Variants in NOCT observed in about 807,000 individuals in gnomAD.
The protein encoded by NOCT is CCR4 carbon catabolite repression 4-like.
In NOCT, 18 loss-of-function variants were observed where a neutral mutation model predicts 35.0. The ratio of observed to expected loss-of-function variants is 0.51; its 90% CI spans 0.36 to 0.76. The LOEUF (loss-of-function observed/expected upper bound fraction) is 0.76. Ranked by LOEUF, NOCT falls within the 30% of genes least tolerant of loss-of-function variation. NOCT has a pLI of 0.01. For missense variants in NOCT, 479 were observed against 541.0 expected, an observed-to-expected ratio of 0.89 and a Z score of 1.14; for synonymous variants, 235 against 226.3, an observed-to-expected ratio of 1.04 and a Z score of -0.34.
At chr4:139,042,933 A>T in intron 1 of NOCT, 141 bp from the exon 2 acceptor site, 1 of 708,440 alleles carries the variant, frequency 1.4e-6, no homozygotes, top group Non-Finnish European at 2.2e-6. Context: ...AAAAAAAGAA[A>T]AAAGAAATGG....
intron 2 of NOCT, 110 bp downstream of exon 2, chr4:139,043,453 T>TGGG: frequency 9.7e-7 from 1 of 1,031,110 alleles, no homozygotes; most frequent in Non-Finnish European, 1.5e-6. Context: ...TGTGGGCAGA[T>TGGG]GGAGGTGACT....
chr4:139,040,711 A>T (rs1157976441), intron 1 of NOCT, among the ~76,000 whole-genome samples: 1 of 152,164 alleles, frequency 6.6e-6, no homozygotes, highest in Non-Finnish European at 1.5e-5. Context: ...CAGGTGTCAA[A>T]CGTCACTGTT....
intron 1 of NOCT, among the ~76,000 whole-genome samples, chr4:139,018,772 C>A (rs112817626): frequency 0.02 from 3,106 of 152,228 alleles, 81 homozygotes; most frequent in South Asian, 0.14. Context: ...AAATGAAACA[C>A]CTTTTATTCT....
intron 1 of NOCT, among the ~76,000 whole-genome samples, chr4:139,017,667 C>T (rs914318533): frequency 2.0e-5 from 3 of 151,640 alleles, no homozygotes; most frequent in Admixed American, 1.3e-4. Flanking sequence ...TGGTGGCACT[C>T]GCCTGTAATC....
intron 1 of NOCT, among the ~76,000 whole-genome samples, chr4:139,040,869 GTTTT>G (rs915001300): frequency 7.2e-4 from 110 of 151,792 alleles, no homozygotes; most frequent in African/African-American, 2.5e-3. Context: ...ATGTTTGGCT[GTTTT>G]TTGTTTGTTT....
chr4:139,018,772 C>G (rs112817626), intron 1 of NOCT, among the ~76,000 whole-genome samples: 13 of 152,116 alleles, frequency 8.5e-5, no homozygotes, highest in African/African-American at 2.9e-4. Context: ...AAATGAAACA[C>G]CTTTTATTCT....
At chr4:139,021,922 C>G (rs927766414) in intron 1 of NOCT, among the ~76,000 whole-genome samples, 2 of 152,112 alleles carry the variant, frequency 1.3e-5, no homozygotes, top group African/African-American at 2.4e-5. Flanking sequence ...CCATGCCCGG[C>G]TAATTTTTTT....
At chr4:139,024,943 G>A (rs150796864) in intron 1 of NOCT, among the ~76,000 whole-genome samples, 43 of 152,250 alleles carry the variant, frequency 2.8e-4, no homozygotes, top group African/African-American at 8.9e-4. Context: ...TCTGGAGAAC[G>A]GGCAGCCAGG....
In NOCT at chr4:139,016,166, G is replaced by C. The variant is rs943299857; in HGVS notation, c.185G>C (p.Arg62Pro). Residue 62 changes from arginine (R) to proline (P), a missense_variant, in exon 1 of 3, where the codon CGA (arginine) becomes CCA (proline). Arg to Pro is a moderately radical substitution (Grantham distance 103, BLOSUM62 -2). This residue lies in a region of NOCT where 265 missense variants were observed against 257.0 expected (regional missense o/e 1.03). Transcript: ENST00000280614. ...AASGAARSCS[R>P]TVCSMGTGTS... The stretch of plus-strand genomic sequence containing the variant: ...TCGGGCGCCGCGAGGTCGTGTTCCC[G>C]AACAGGTGAGTGCACCCCAGTTCCG... The C allele has an allele frequency of 4.0e-4, 499 of 1,258,920 alleles. No individual in the cohort carries two copies. Among genetic ancestry groups the C allele is most frequent in the Non-Finnish European group, 4.8e-4 (485 of 1,005,302 alleles). 78.0% of individuals were successfully genotyped at this position (1,258,920 alleles called of 1,614,324 possible).
chr4:139,038,600 G>C (rs1726778358), intron 1 of NOCT, among the ~76,000 whole-genome samples: 2 of 152,148 alleles, frequency 1.3e-5, no homozygotes, highest in African/African-American at 4.8e-5. Flanking sequence ...AGCAGTCTCA[G>C]AGTTGCAGTG....
intron 1 of NOCT, among the ~76,000 whole-genome samples, chr4:139,026,064 G>A (rs897413437): frequency 6.6e-6 from 1 of 152,012 alleles, no homozygotes; most frequent in Admixed American, 6.6e-5. Context: ...ATAGACTAGT[G>A]GTGAGCATAG....
intron 1 of NOCT, among the ~76,000 whole-genome samples, chr4:139,038,028 T>C (rs1726765982): frequency 6.6e-6 from 1 of 151,834 alleles, no homozygotes; most frequent in Admixed American, 6.6e-5. Context: ...ATGGTGAAAC[T>C]GTCTGTACTA....
At position 139,026,862 on chromosome 4, in the gene NOCT, C is replaced by CTTTTTTTTTTT. The variant is rs1165378672; in HGVS notation, c.190+10712_190+10722dup. ...CCACCATCCCTGGCCTTTTTTTTTT[C>CTTTTTTTTTTT]TTTTTTTTTTTTTTTTTTTTTTTTT... On this transcript the variant is annotated intron_variant, in intron 1 of 2. Coordinates refer to ENST00000280614, the MANE Select transcript of NOCT (RefSeq NM_012118.4). 1.3e-4 allele frequency among the ~76,000 whole-genome samples: 16 copies of CTTTTTTTTTTT among 120,252 alleles called. 1 individual carries two copies. The highest frequency in any genetic ancestry group is 3.5e-4 in the African/African-American group (10 of 28,632). 78.9% of individuals were successfully genotyped at this position (120,252 alleles called of 152,430 possible). A position where few individuals can be genotyped will look rare whatever the true frequency, so the allele number is the denominator to read the frequency against.
At chr4:139,040,327 AC>A (rs1304073319) in intron 1 of NOCT, among the ~76,000 whole-genome samples, 1 of 151,950 alleles carries the variant, frequency 6.6e-6, no homozygotes, top group African/African-American at 2.4e-5. Flanking sequence ...GGCTTGAGAC[AC>A]CGCGCCCAGC....
At chr4:139,034,698 A>G (rs1375100622) in intron 1 of NOCT, among the ~76,000 whole-genome samples, 1 of 151,944 alleles carries the variant, frequency 6.6e-6, no homozygotes, top group Non-Finnish European at 1.5e-5. Context: ...CAGCCCCTCA[A>G]GAAGCTGGGA....
At position 139,020,218 on chromosome 4, in the gene NOCT, A is replaced by G. The variant is rs966125225; in HGVS notation, c.190+4047A>G. Among the ~76,000 whole-genome samples, 3 of 152,228 alleles carry G rather than the reference A, an allele frequency of 2.0e-5. No individual in the cohort carries two copies. In the South Asian group the frequency reaches 6.2e-4, roughly 31 times the overall value. On this transcript the variant is annotated intron_variant, in intron 1 of 2. Coordinates refer to ENST00000280614, the MANE Select transcript of NOCT (RefSeq NM_012118.4). ...CACACTTAACATTTGTAAATCATTT[A>G]ACCTTGCTTGCTGTCTCAACACTAG...
Position 139,033,797 on chromosome 4 carries a change from C to T in NOCT, c.191-9277C>T, listed in dbSNP as rs1050818149. On this transcript the variant is annotated intron_variant, in intron 1 of 2. Transcript: ENST00000280614. ...TTTTGAGAGCTGGGGTGCAGTGGTG[C>T]AGTCATGGTTCACTGCAACTTCCAC... Among the ~76,000 whole-genome samples the T allele has an allele frequency of 4.5e-4, 68 of 151,786 alleles. 1 individual carries two copies. The highest frequency in any genetic ancestry group is 1.6e-3 in the Admixed American group (25 of 15,240).
chr4:139,044,587 TTG>T, intron 2 of NOCT, 50 bp from the exon 3 acceptor site: 2 of 1,205,770 alleles, frequency 1.7e-6, no homozygotes, highest in Non-Finnish European at 2.4e-6. Context: ...CCTGGGTACT[TTG>T]AAGTCACGGT....
intron 2 of NOCT, 67 bp downstream of exon 2, chr4:139,043,410 C>G (rs1726873893): frequency 2.1e-6 from 3 of 1,449,186 alleles, no homozygotes; most frequent in East Asian, 4.6e-5. Context: ...TTCTGCACAT[C>G]CACAGTGCAC....
Sources: gnomAD v4.1 joint callset for allele counts (sites outside exome capture counted in the v4.1 genomes callset) on GRCh38, gnomAD v4.1.1 for gene constraint, gnomAD v4.1.1 regional missense constraint, MANE v1.5 for transcripts, NCBI Gene and HGNC (gene_info 2026-07-23, HGNC 2026-07-21) for gene names.